The following RHOQ variants were observed in gnomAD, a reference collection of about 807,000 sequenced individuals.
RHOQ encodes rho-related GTP-binding protein RhoQ.
RHOQ carries 7 observed loss-of-function variants against 25.8 expected under a neutral mutation model. The ratio of observed to expected loss-of-function variants is 0.27; its 90% CI spans 0.15 to 0.51. RHOQ has a LOEUF of 0.51. Among genes scored for constraint, RHOQ ranks in the 20% least tolerant of loss-of-function variants. RHOQ has a pLI of 0.97. For missense variants in RHOQ, 165 were observed against 260.6 expected, an observed-to-expected ratio of 0.63 and a Z score of 2.53; for synonymous variants, 97 against 98.6, an observed-to-expected ratio of 0.98 and a Z score of 0.10.
In RHOQ at chr2:46,576,971, A is replaced by C. The variant is rs1669149429; in HGVS notation, c.462+315A>C. The C allele has an allele frequency of 4.8e-6, 1 of 210,448 alleles. No individual in the cohort carries two copies. Among genetic ancestry groups the C allele is most frequent in the African/African-American group, 2.3e-5 (1 of 43,484 alleles). The allele number at this position is 210,448 out of a possible 1,614,324, so 13.0% of individuals were successfully genotyped here. A position where few individuals can be genotyped will look rare whatever the true frequency, so the allele number is the denominator to read the frequency against. The stretch of plus-strand genomic sequence containing the variant: ...GCTACATTGCCAGTGATATTTTCCT[A>C]AAAAGTCACATATGGAAAAAAGCAT... On this transcript the variant is annotated intron_variant, in intron 4 of 4. Transcript: ENST00000238738. The surrounding 1 kb of genome is among the most constrained non-coding windows in gnomAD (Gnocchi z 5.1).
intron 4 of RHOQ, among the ~76,000 whole-genome samples, chr2:46,578,845 TAAG>T (rs1224595355): frequency 6.6e-6 from 1 of 152,074 alleles, no homozygotes; most frequent in African/African-American, 2.4e-5. Flanking sequence ...CACAAAATGA[TAAG>T]TATTTAAGGT....
chr2:46,559,360 TTTTTTGTCTCTC>T (rs1668500907), intron 2 of RHOQ, among the ~76,000 whole-genome samples: 1 of 152,228 alleles, frequency 6.6e-6, no homozygotes, highest in Non-Finnish European at 1.5e-5. Flanking sequence ...GTGTTTCAAA[TTTTTTGTCTCTC>T]TGTGTAATCT....
intron 2 of RHOQ, among the ~76,000 whole-genome samples, chr2:46,565,699 G>T (rs368674131): frequency 3.9e-5 from 6 of 152,346 alleles, no homozygotes; most frequent in East Asian, 3.9e-4. Flanking sequence ...CCTGCACAAT[G>T]ACTGCAGCTG....
intron 2 of RHOQ, among the ~76,000 whole-genome samples, chr2:46,550,872 C>T (rs1203347923): frequency 6.6e-6 from 1 of 152,146 alleles, no homozygotes; most frequent in African/African-American, 2.4e-5. Flanking sequence ...CCACCTTCCA[C>T]AGGAGAAGGT....
intron 2 of RHOQ, among the ~76,000 whole-genome samples, chr2:46,563,925 T>C (rs1668648251): frequency 6.6e-6 from 1 of 151,990 alleles, no homozygotes; most frequent in Non-Finnish European, 1.5e-5. Context: ...GCTAGGATTA[T>C]AGGCGTGGGC....
chr2:46,577,636 C>T (rs896720149), intron 4 of RHOQ, among the ~76,000 whole-genome samples: 26 of 141,506 alleles, frequency 1.8e-4, no homozygotes, highest in Non-Finnish European at 6.0e-5. Context: ...AGGATGGTCT[C>T]GACCTCCTGG....
chr2:46,561,918 A>G (rs1287412453), intron 2 of RHOQ, among the ~76,000 whole-genome samples: 1 of 152,236 alleles, frequency 6.6e-6, no homozygotes, highest in African/African-American at 2.4e-5. Context: ...ACCTCGGGCC[A>G]GGCCCTCTGA....
At chr2:46,551,779 G>A (rs1303637783) in intron 2 of RHOQ, among the ~76,000 whole-genome samples, 1 of 152,168 alleles carries the variant, frequency 6.6e-6, no homozygotes, top group Admixed American at 6.5e-5. Context: ...AGACTGAGGG[G>A]CTTAAAAGTG....
In RHOQ at chr2:46,580,991, G is replaced by C; in HGVS notation, c.526G>C (p.Asp176His). 2 of 1,586,718 alleles carry C rather than the reference G, an allele frequency of 1.3e-6. No homozygotes were observed. The highest frequency in any genetic ancestry group is 1.7e-6 in the Non-Finnish European group (2 of 1,169,106). Residue 176 changes from aspartate to histidine, a missense_variant, in exon 5 of 5, where the codon GAT (aspartate) becomes CAT (histidine). By Grantham distance (81) the Asp-to-His change is moderately conservative (BLOSUM62 -1). Coordinates refer to ENST00000238738, the MANE Select transcript of RHOQ (RefSeq NM_012249.4). ...LTQKGLKTVF[D>H]EAIIAILTPK... ...CCAGAAGGGATTGAAGACTGTTTTT[G>C]ATGAGGCTATCATAGCCATTTTAAC...
chr2:46,570,529 G>A (rs929449376), intron 2 of RHOQ, among the ~76,000 whole-genome samples: 1 of 152,166 alleles, frequency 6.6e-6, no homozygotes, highest in Non-Finnish European at 1.5e-5. Context: ...TAAGTTAGAT[G>A]TAGGAGAAAA....
At chr2:46,545,129 G>A in intron 2 of RHOQ, among the ~76,000 whole-genome samples, 1 of 152,138 alleles carries the variant, frequency 6.6e-6, no homozygotes, top group Non-Finnish European at 1.5e-5. Context: ...AAATGGCCCA[G>A]GTCAGTACAG....
chr2:46,543,364 C>A, intron 1 of RHOQ, 176 bp downstream of exon 1: 1 of 657,750 alleles, frequency 1.5e-6, no homozygotes, highest in South Asian at 1.9e-5. Context: ...ACCCCTCGCC[C>A]GCTGATCCAC....
At chr2:46,554,627 C>T (rs569783616) in intron 2 of RHOQ, among the ~76,000 whole-genome samples, 1 of 152,218 alleles carries the variant, frequency 6.6e-6, no homozygotes, top group Admixed American at 6.5e-5. Flanking sequence ...ATTCCCCAGG[C>T]GGGTCACAAG....
At chr2:46,557,504 G>A (rs76192876) in intron 2 of RHOQ, among the ~76,000 whole-genome samples, 1,939 of 152,132 alleles carry the variant, frequency 0.013, 34 homozygotes, top group African/African-American at 0.043. Flanking sequence ...AAATGCACAT[G>A]TATAATATGC....
chr2:46,566,359 C>G lies in RHOQ; in HGVS notation c.202-9728C>G, dbSNP rs1668730276. Among the ~76,000 whole-genome samples, 1 of 152,126 alleles carries G rather than the reference C, an allele frequency of 6.6e-6. No individual in the cohort carries two copies. Among genetic ancestry groups the G allele is most frequent in the South Asian group, 2.1e-4 (1 of 4,826 alleles). ...AGCTTAACACGTCCCAAACTGTCCT[C>G]TTGAGTTCTCTCCCTATGGTGCTTC... On this transcript the variant is annotated intron_variant, in intron 2 of 4. Coordinates refer to ENST00000238738, the MANE Select transcript of RHOQ (RefSeq NM_012249.4). The surrounding 1 kb of genome is among the most constrained non-coding windows in gnomAD (Gnocchi z 4.2).
chr2:46,544,440 T>TC (rs1244132285), intron 2 of RHOQ, among the ~76,000 whole-genome samples: 2 of 152,092 alleles, frequency 1.3e-5, no homozygotes, highest in South Asian at 2.1e-4. Context: ...GAGGAGGGGT[T>TC]CCCCCCGGCC....
At position 46,552,102 on chromosome 2, in the gene RHOQ, A is replaced by G. The variant is rs538624145; in HGVS notation, c.201+8290A>G. 6.6e-6 allele frequency among the ~76,000 whole-genome samples: 1 copy of G among 152,340 alleles called. No individual in the cohort carries two copies. The highest frequency in any genetic ancestry group is 1.5e-5 in the Non-Finnish European group (1 of 68,036). The stretch of plus-strand genomic sequence containing the variant: ...GTTCAGCGTTTCATGTAAAAGGTAC[A>G]TTCCAAGCGTATCGCTTTTCTAGCT... On this transcript the variant is annotated intron_variant, in intron 2 of 4. Coordinates refer to ENST00000238738, the MANE Select transcript of RHOQ (RefSeq NM_012249.4). The surrounding 1 kb of genome is among the most constrained non-coding windows in gnomAD (Gnocchi z 5.0).
intron 2 of RHOQ, 110 bp downstream of exon 2, chr2:46,543,922 G>C: frequency 1.2e-6 from 1 of 849,978 alleles, no homozygotes; most frequent in Non-Finnish European, 1.9e-6. Context: ...TGTCTGCGAC[G>C]GGCTTCCCCT....
chr2:46,553,689 C>T (rs1317077990), intron 2 of RHOQ, among the ~76,000 whole-genome samples: 1 of 152,070 alleles, frequency 6.6e-6, no homozygotes, highest in African/African-American at 2.4e-5. Flanking sequence ...AAGCAATTCT[C>T]CTGTCTCAGC....
Sources: gnomAD v4.1 joint callset for allele counts (sites outside exome capture counted in the v4.1 genomes callset) on GRCh38, gnomAD v4.1.1 for gene constraint, Gnocchi (gnomAD v3.1) non-coding constraint, MANE v1.5 for transcripts, NCBI Gene and HGNC (gene_info 2026-07-23, HGNC 2026-07-21) for gene names.